Variants in NRXN1 observed in about 807,000 individuals in gnomAD.
NRXN1 encodes neurexin-1.
A neutral mutation model predicts 150.9 loss-of-function variants in NRXN1; 39 were observed. The ratio of observed to expected loss-of-function variants is 0.26; its 90% CI spans 0.20 to 0.34. The LOEUF (loss-of-function observed/expected upper bound fraction) is 0.34. Ranked by LOEUF, NRXN1 falls within the 10% of genes least tolerant of loss-of-function variation. NRXN1 has a pLI of 1.00. For missense variants in NRXN1, 1,815 were observed against 1,949.9 expected (o/e 0.93, Z 1.30); for synonymous variants, 924 against 757.0 (o/e 1.22, Z -3.62).
chr2:50,495,381 G>C, intron 15 of NRXN1, among the ~76,000 whole-genome samples: 1 of 8,982 alleles, frequency 1.1e-4, no homozygotes, highest in South Asian at 8.3e-3. Context: ...TGTGTGTGTG[G>C]TGTGTGTGTG....
intron 5 of NRXN1, among the ~76,000 whole-genome samples, chr2:50,638,914 A>G (rs1210347744): frequency 6.6e-6 from 1 of 152,140 alleles, no homozygotes; most frequent in Non-Finnish European, 1.5e-5. Flanking sequence ...TACCCAGGAC[A>G]CATATACAAT....
chr2:49,985,346 A>C (rs1680726795), intron 21 of NRXN1, among the ~76,000 whole-genome samples: 1 of 152,184 alleles, frequency 6.6e-6, no homozygotes, highest in African/African-American at 2.4e-5. Context: ...CGTGGAAGAA[A>C]TTAGTGTTCT....
chr2:50,287,020 C>G (rs892661304), intron 17 of NRXN1, among the ~76,000 whole-genome samples: 1 of 151,920 alleles, frequency 6.6e-6, no homozygotes, highest in African/African-American at 2.4e-5. Flanking sequence ...GTTGAAGGTG[C>G]TTTGTAATTT....
intron 8 of NRXN1, among the ~76,000 whole-genome samples, chr2:50,572,210 T>C (rs939662022): frequency 6.6e-6 from 1 of 152,232 alleles, no homozygotes; most frequent in East Asian, 1.9e-4. Context: ...CTGAAGGGCA[T>C]GCACATACTG....
chr2:50,904,812 T>A (rs991750574), intron 5 of NRXN1, among the ~76,000 whole-genome samples: 1 of 152,160 alleles, frequency 6.6e-6, no homozygotes, highest in African/African-American at 2.4e-5. Context: ...CACTGCTGAA[T>A]GTTGTCTCCC....
intron 10 of NRXN1, among the ~76,000 whole-genome samples, chr2:50,534,414 A>AT (rs1387381296): frequency 7.2e-5 from 11 of 152,112 alleles, no homozygotes; most frequent in Non-Finnish European, 1.3e-4. Context: ...ATATAATATC[A>AT]TATTTTTTTC....
intron 17 of NRXN1, among the ~76,000 whole-genome samples, chr2:50,302,522 C>G (rs184328911): frequency 6.6e-6 from 1 of 152,094 alleles, no homozygotes; most frequent in Admixed American, 6.5e-5. Context: ...ATTGCTAAGA[C>G]CAATTCCATT....
At chr2:50,574,085 G>A (rs1671052727) in intron 8 of NRXN1, among the ~76,000 whole-genome samples, 1 of 151,996 alleles carries the variant, frequency 6.6e-6, no homozygotes, top group African/African-American at 2.4e-5. Flanking sequence ...GTTTTAAAAG[G>A]CCTTAATCTA....
chr2:50,512,679 G>A (rs890395570), intron 12 of NRXN1, among the ~76,000 whole-genome samples: 1 of 152,116 alleles, frequency 6.6e-6, no homozygotes, highest in African/African-American at 2.4e-5. Flanking sequence ...GACCTAACAT[G>A]CATTACCTAA....
Position 50,258,655 on chromosome 2 carries a change from T to C in NRXN1, c.3365-21685A>G, listed in dbSNP as rs1261316907. Reference sequence around the variant, plus strand: ...CAGATGTTCTTAATGGCATCTAGAATGGTAAATCCTTTCCAGAAGGTTTTC... The same window carrying C: ...CAGATGTTCTTAATGGCATCTAGAACGGTAAATCCTTTCCAGAAGGTTTTC... On this transcript the variant is annotated intron_variant, in intron 17 of 22. Transcript: ENST00000401669. Among the ~76,000 whole-genome samples, 4 of 152,070 alleles carry C rather than the reference T, an allele frequency of 2.6e-5. 1 individual carries two copies. The highest frequency in any genetic ancestry group is 5.9e-5 in the Non-Finnish European group (4 of 67,972).
chr2:50,820,010 T>A (rs1669490528), intron 5 of NRXN1, among the ~76,000 whole-genome samples: 1 of 152,116 alleles, frequency 6.6e-6, no homozygotes, highest in Non-Finnish European at 1.5e-5. Context: ...TGGTTACAGG[T>A]CACTTTTTCC....
intron 18 of NRXN1, among the ~76,000 whole-genome samples, chr2:50,115,211 T>TGTATA (rs1272366175): frequency 9.7e-5 from 10 of 102,984 alleles, no homozygotes; most frequent in Admixed American, 2.3e-4. Context: ...CATATATATG[T>TGTATA]TATGTGTATA....
At chr2:50,616,609 G>A (rs909417515) in intron 8 of NRXN1, 1 of 152,040 alleles carries the variant, frequency 6.6e-6, no homozygotes, top group Admixed American at 6.6e-5. Context: ...TCCTTGATAG[G>A]GTTCTGTATT....
chr2:50,331,429 A>G (rs903778202), intron 17 of NRXN1, among the ~76,000 whole-genome samples: 8 of 152,164 alleles, frequency 5.3e-5, no homozygotes, highest in African/African-American at 1.9e-4. Flanking sequence ...GTGTGTGTGC[A>G]TGCATATAAC....
chr2:50,674,010 A>G (rs908858930), intron 5 of NRXN1, among the ~76,000 whole-genome samples: 1 of 152,078 alleles, frequency 6.6e-6, no homozygotes, highest in African/African-American at 2.4e-5. Context: ...TAACTGGTTG[A>G]TGGGTGCAGC....
At chr2:50,657,551 G>T (rs1036788963) in intron 5 of NRXN1, among the ~76,000 whole-genome samples, 1 of 151,964 alleles carries the variant, frequency 6.6e-6, no homozygotes, top group African/African-American at 2.4e-5. Context: ...ATGATAAGCA[G>T]TTCCGTAAAG....
At chr2:50,944,320 G>A (rs4971709) in intron 2 of NRXN1, among the ~76,000 whole-genome samples, 36,806 of 151,918 alleles carry the variant, frequency 0.24, 5,856 homozygotes, top group East Asian at 0.51. Flanking sequence ...CAGGAAACTC[G>A]GGGTCTCCAA....
chr2:50,576,808 C>T (rs1390655809), intron 8 of NRXN1, among the ~76,000 whole-genome samples: 3 of 152,026 alleles, frequency 2.0e-5, no homozygotes, highest in African/African-American at 7.2e-5. Flanking sequence ...TCCTGACCTC[C>T]CTTTTAACTT....
At position 50,987,007 on chromosome 2, in the gene NRXN1, C is replaced by G. The variant is rs572667390; in HGVS notation, c.772+40495G>C. 2.7e-3 allele frequency among the ~76,000 whole-genome samples: 413 copies of G among 151,914 alleles called. 2 individuals carry two copies. Among genetic ancestry groups the G allele is most frequent in the African/African-American group, 9.2e-3 (382 of 41,516 alleles). ...CTCTTTTCCATTTCACAATACATTT[C>G]TATATGCTATTCATCTTTTACAATA... is the stretch of plus-strand genomic sequence containing the variant. On this transcript the variant is annotated intron_variant, in intron 2 of 22. Transcript: ENST00000401669.
Sources: gnomAD v4.1 joint callset for allele counts (sites outside exome capture counted in the v4.1 genomes callset) on GRCh38, gnomAD v4.1.1 for gene constraint, MANE v1.5 for transcripts, NCBI Gene and HGNC (gene_info 2026-07-23, HGNC 2026-07-21) for gene names.